Variants in COLGALT2 observed in about 807,000 individuals in gnomAD.
The protein encoded by COLGALT2 is procollagen galactosyltransferase 2.
COLGALT2 carries 49 observed loss-of-function variants against 73.4 expected under a neutral mutation model. The observed-to-expected ratio is 0.67, with a 90% CI of 0.53 to 0.85. The LOEUF is 0.85. Ranked by LOEUF, COLGALT2 falls within the 40% of genes least tolerant of loss-of-function variation. The pLI is 0.00. For synonymous variants in COLGALT2, 295 were observed against 307.6 expected (o/e 0.96, Z 0.43); for missense variants, 722 against 790.2 (o/e 0.91, Z 1.03).
chr1:183,931,510 G>C (rs1258009719), downstream of COLGALT2, among the ~76,000 whole-genome samples: 1 of 152,090 alleles, frequency 6.6e-6, no homozygotes, highest in Non-Finnish European at 1.5e-5. Context: ...GGTGTTCCCC[G>C]GGGGTGCCTG....
chr1:184,010,883 A>G (rs911305805), intron 1 of COLGALT2, among the ~76,000 whole-genome samples: 5 of 152,170 alleles, frequency 3.3e-5, no homozygotes, highest in Non-Finnish European at 7.3e-5. Context: ...ATAAAGGATC[A>G]TCGGCTCCTG....
Position 183,975,204 on chromosome 1 carries a change from C to G in COLGALT2, c.385G>C (p.Asp129His). ...RPMDEPESYP[D>H]EIGPKHWPTS... ...GGCCAGTGCTTTGGTCCAATTTCATCAGGGTAAGACCTAAAATAATAATAA... is the reference window on the plus strand; with the variant it reads ...GGCCAGTGCTTTGGTCCAATTTCATGAGGGTAAGACCTAAAATAATAATAA... Residue 129 changes from aspartate (D) to histidine (H), a missense_variant, in exon 3 of 12, where the codon GAT (aspartate) becomes CAT (histidine). Coordinates refer to ENST00000361927, the MANE Select transcript of COLGALT2 (RefSeq NM_015101.4). The G allele has an allele frequency of 6.2e-7, 1 of 1,609,856 alleles. No homozygotes were observed. Among genetic ancestry groups the G allele is most frequent in the Non-Finnish European group, 8.5e-7 (1 of 1,176,304 alleles).
chr1:183,944,212 G>T lies in COLGALT2; in HGVS notation c.1381C>A (p.Leu461Met). ...KLMDNIDQAQ[L>M]DWELIYIGRK... Reference sequence around the variant, plus strand: ...GTCACTCACATCAGTTCCCAGTCCAGCTGAGCCTGGTCAATGTTATCCATC... The same window carrying T: ...GTCACTCACATCAGTTCCCAGTCCATCTGAGCCTGGTCAATGTTATCCATC... Residue 461 changes from leucine (L) to methionine (M), a missense_variant, in exon 10 of 12, where the codon CTG becomes ATG. Coordinates refer to ENST00000361927, the MANE Select transcript of COLGALT2 (RefSeq NM_015101.4). The T allele has an allele frequency of 6.2e-7, 1 of 1,613,288 alleles. No homozygotes were observed.
intron 6 of COLGALT2, among the ~76,000 whole-genome samples, chr1:183,960,894 A>C (rs1217570726): frequency 6.6e-6 from 1 of 152,218 alleles, no homozygotes; most frequent in Admixed American, 6.5e-5. Flanking sequence ...TTCTTCAATC[A>C]GTATAGTCTA....
At chr1:184,026,681 C>G (rs1032002178) in intron 1 of COLGALT2, among the ~76,000 whole-genome samples, 1 of 151,998 alleles carries the variant, frequency 6.6e-6, no homozygotes, top group Admixed American at 6.6e-5. Context: ...TAAAAACAGG[C>G]TAATTTAGTA....
intron 8 of COLGALT2, among the ~76,000 whole-genome samples, chr1:183,949,101 G>T (rs1380824525): frequency 6.6e-6 from 1 of 152,084 alleles, no homozygotes; most frequent in East Asian, 1.9e-4. Context: ...ATAATAAAAA[G>T]ACATTCCATG....
chr1:184,020,758 G>T (rs2102854676), intron 1 of COLGALT2, among the ~76,000 whole-genome samples: 1 of 152,216 alleles, frequency 6.6e-6, no homozygotes, highest in Middle Eastern at 3.4e-3. Flanking sequence ...TGAGAGCAGG[G>T]TCTACATCTG....
chr1:184,008,245 T>C (rs1205670153), intron 1 of COLGALT2, among the ~76,000 whole-genome samples: 1 of 152,152 alleles, frequency 6.6e-6, no homozygotes, highest in Admixed American at 6.5e-5. Context: ...GACAGGCCTG[T>C]ATTTTTTTAA....
chr1:183,976,678 G>A (rs1395310871), intron 2 of COLGALT2, among the ~76,000 whole-genome samples: 1 of 151,890 alleles, frequency 6.6e-6, no homozygotes, highest in Non-Finnish European at 1.5e-5. Context: ...GGGGAGAGGG[G>A]GAATATAAAG....
intron 1 of COLGALT2, among the ~76,000 whole-genome samples, chr1:184,022,452 CCAAA>C (rs1390981912): frequency 6.6e-6 from 1 of 151,994 alleles, no homozygotes; most frequent in Non-Finnish European, 1.5e-5. Context: ...GAAAATGGAG[CCAAA>C]CAAACGATGT....
chr1:183,968,764 A>G (rs1444545167), intron 5 of COLGALT2, among the ~76,000 whole-genome samples: 1 of 152,164 alleles, frequency 6.6e-6, no homozygotes, highest in East Asian at 1.9e-4. Flanking sequence ...GGACTCCACA[A>G]TTAAGGGCAG....
At chr1:183,968,186 A>C (rs995689650) in intron 5 of COLGALT2, among the ~76,000 whole-genome samples, 6 of 152,142 alleles carry the variant, frequency 3.9e-5, no homozygotes, top group African/African-American at 1.4e-4. Context: ...TTGGTTTATG[A>C]ACGTATTTTT....
intron 1 of COLGALT2, among the ~76,000 whole-genome samples, chr1:184,001,205 C>CT (rs1376887918): frequency 1.3e-5 from 2 of 152,026 alleles, no homozygotes; most frequent in African/African-American, 2.4e-5. Context: ...CTATGTTGTT[C>CT]TTTTTTGGTA....
At chr1:183,949,106 T>G (rs933049359) in intron 8 of COLGALT2, among the ~76,000 whole-genome samples, 1 of 152,058 alleles carries the variant, frequency 6.6e-6, no homozygotes. Context: ...AAAAAGACAT[T>G]CCATGATTAC....
At chr1:183,935,828 C>T, downstream of COLGALT2, 1 of 984,662 alleles carries the variant, frequency 1.0e-6, no homozygotes, top group Middle Eastern at 5.2e-4. Flanking sequence ...AATTGACAAT[C>T]ATATCTTTGA....
Position 183,938,834 on chromosome 1 carries a change from C to T in COLGALT2, c.1808G>A (p.Ser603Asn), listed in dbSNP as rs150309080. ...CAGGGCCTCTGTGTTCTTGGCATTG[C>T]TGTAGATGCGGCTTTGCTTCCGGGA... ...WKSRKQSRIYSNAKNTEALPP... is the reference protein window; with the variant it reads ...WKSRKQSRIYNNAKNTEALPP... The change falls in exon 12 of 12, where the codon AGC becomes AAC. Residue 603 changes from serine to asparagine, a missense_variant. Transcript: ENST00000361927. 66 of 1,614,152 alleles carry T rather than the reference C, an allele frequency of 4.1e-5. No homozygotes were observed. In the African/African-American group the frequency reaches 8.1e-4, roughly 20 times the overall value.
chr1:183,954,534 T>TTTC (rs1276557232), intron 7 of COLGALT2, among the ~76,000 whole-genome samples: 1 of 152,208 alleles, frequency 6.6e-6, no homozygotes, highest in Non-Finnish European at 1.5e-5. Context: ...TAAATGGTAA[T>TTTC]TTCTTTCTAA....
chr1:184,015,171 A>G (rs1183560667), intron 1 of COLGALT2, among the ~76,000 whole-genome samples: 1 of 152,200 alleles, frequency 6.6e-6, no homozygotes, highest in African/African-American at 2.4e-5. Context: ...ACTGAAGACC[A>G]AAGGAAACTT....
intron 6 of COLGALT2, among the ~76,000 whole-genome samples, chr1:183,955,608 A>G (rs1374373944): frequency 6.6e-6 from 1 of 152,212 alleles, no homozygotes; most frequent in Non-Finnish European, 1.5e-5. Flanking sequence ...CAAACTATGT[A>G]TTTTAAAGTT....
Sources: gnomAD v4.1 joint callset for allele counts (sites outside exome capture counted in the v4.1 genomes callset) on GRCh38, gnomAD v4.1.1 for gene constraint, MANE v1.5 for transcripts, NCBI Gene and HGNC (gene_info 2026-07-23, HGNC 2026-07-21) for gene names.